LHFPL1: variants seen among roughly 807,000 people sequenced by gnomAD.
The protein encoded by LHFPL1 is LHFPL tetraspan subfamily member 1 protein.
In LHFPL1, 4 loss-of-function variants were observed where a neutral mutation model predicts 12.1. That is an observed-to-expected ratio of 0.33 (90% CI 0.16 to 0.76). The LOEUF (loss-of-function observed/expected upper bound fraction) is 0.76. Ranked by LOEUF, LHFPL1 falls within the 30% of genes least tolerant of loss-of-function variation. LHFPL1 has a pLI of 0.61. For synonymous variants in LHFPL1, 52 were observed against 61.9 expected, an observed-to-expected ratio of 0.84 and a Z score of 0.75; for missense variants, 141 against 174.1, an observed-to-expected ratio of 0.81 and a Z score of 1.07.
intron 3 of LHFPL1, among the ~76,000 whole-genome samples, chrX:112,647,130 C>A (rs1930714180): frequency 9.0e-6 from 1 of 111,701 alleles, no homozygotes; most frequent in Admixed American, 9.5e-5. Flanking sequence ...ACAGACATTA[C>A]CCTAGAATTA....
chrX:112,666,497 C>T (rs1315940106), intron 2 of LHFPL1, among the ~76,000 whole-genome samples: 1 of 111,339 alleles, frequency 9.0e-6, no homozygotes, highest in East Asian at 2.8e-4. Flanking sequence ...GAAGCAACAC[C>T]CTAAACAAGG....
intron 3 of LHFPL1, among the ~76,000 whole-genome samples, chrX:112,647,010 T>C (rs939708784): frequency 8.9e-6 from 1 of 111,967 alleles, no homozygotes; most frequent in Non-Finnish European, 1.9e-5. Context: ...TCTCAGGTTT[T>C]CCTCATCATA....
chrX:112,650,200 T>A, intron 3 of LHFPL1, among the ~76,000 whole-genome samples: 1 of 110,926 alleles, frequency 9.0e-6, no homozygotes, highest in Middle Eastern at 4.6e-3. Context: ...GAAAAAAAAA[T>A]TCCTCCTCAT....
In LHFPL1 at chrX:112,631,593, GACAGGTACCTGTGAGA is replaced by G. The variant is rs1569358912; in HGVS notation, c.482-8_489del. On this transcript the variant is annotated splice_acceptor_variant and splice_polypyrimidine_tract_variant and coding_sequence_variant and intron_variant, in exon 4 of 4. Coordinates refer to ENST00000371968, the MANE Select transcript of LHFPL1 (RefSeq NM_178175.4). LOFTEE classifies it high-confidence loss of function. Reference sequence around the variant, plus strand: ...GCACAGTAATAGGCCCAGCCAAGCCGACAGGTACCTGTGAGAACAGGGACAGAGAATGAGGATTGGG... The same window carrying G: ...GCACAGTAATAGGCCCAGCCAAGCCGACAGGGACAGAGAATGAGGATTGGG... 2 of 1,192,450 alleles carry G rather than the reference GACAGGTACCTGTGAGA, an allele frequency of 1.7e-6. No individual in the cohort carries two copies. The highest frequency in any genetic ancestry group is 1.8e-5 in the African/African-American group (1 of 56,947).
intron 3 of LHFPL1, among the ~76,000 whole-genome samples, chrX:112,652,260 AT>A (rs1378253835): frequency 8.9e-6 from 1 of 112,021 alleles, no homozygotes; most frequent in Non-Finnish European, 1.9e-5. Flanking sequence ...AACATCTACC[AT>A]TTTTATAACC....
chrX:112,640,174 T>G (rs1602667045), intron 3 of LHFPL1, among the ~76,000 whole-genome samples: 1 of 110,855 alleles, frequency 9.0e-6, no homozygotes, highest in East Asian at 2.8e-4. Flanking sequence ...ATCAACAAAC[T>G]AGATGAGTGA....
Position 112,643,477 on chromosome X carries a change from C to A in LHFPL1, c.482-11876G>T, listed in dbSNP as rs368222263. 6.3e-5 allele frequency among the ~76,000 whole-genome samples: 7 copies of A among 110,720 alleles called. No homozygotes were observed. In the Admixed American group the frequency reaches 6.7e-4, roughly 11 times the overall value. Reference sequence around the variant, plus strand: ...AAACTTATCATCATGCCAGAAGGCACCTCTTCACAGAGCAGCAGGAGAGAG... The same window carrying A: ...AAACTTATCATCATGCCAGAAGGCAACTCTTCACAGAGCAGCAGGAGAGAG... On this transcript the variant is annotated intron_variant, in intron 3 of 3. Transcript: ENST00000371968.
chrX:112,631,401 T>A lies in LHFPL1; in HGVS notation c.*19A>T. The A allele has an allele frequency of 8.4e-7, 1 of 1,192,269 alleles. No individual in the cohort carries two copies. The highest frequency in any genetic ancestry group is 1.9e-5 in the South Asian group (1 of 54,031). On this transcript the variant is annotated 3_prime_UTR_variant, in exon 4 of 4. Transcript: ENST00000371968. ...CTCCCTCCTCCCCTTTCCCACCCTC[T>A]CCAATCTTCTTTCAAAGCTCAAGGT...
Position 112,632,064 on chromosome X carries a change from C to A in LHFPL1, c.482-463G>T, listed in dbSNP as rs755698638. Reference sequence around the variant, plus strand: ...GATGAGGCAACTGAAAACCACACAGCCGGCAAGTGGTAAAGATACAAATGC... The same window carrying A: ...GATGAGGCAACTGAAAACCACACAGACGGCAAGTGGTAAAGATACAAATGC... On this transcript the variant is annotated intron_variant, in intron 3 of 3. Coordinates refer to ENST00000371968, the MANE Select transcript of LHFPL1 (RefSeq NM_178175.4). Among the ~76,000 whole-genome samples, 3 of 111,687 alleles carry A rather than the reference C, an allele frequency of 2.7e-5. No homozygotes were observed. The South Asian group carries it at 1.2e-3, about 43-fold the overall frequency.
chrX:112,659,505 T>C (rs140200467), intron 3 of LHFPL1, among the ~76,000 whole-genome samples: 1,260 of 110,915 alleles, frequency 0.011, 8 homozygotes, highest in South Asian at 0.019. Flanking sequence ...GGTTAGACAA[T>C]GTTGTGATTA....
At chrX:112,657,452 C>T (rs1274000962) in intron 3 of LHFPL1, among the ~76,000 whole-genome samples, 2 of 111,589 alleles carry the variant, frequency 1.8e-5, no homozygotes, top group Admixed American at 9.5e-5. Flanking sequence ...TCTAAAATTC[C>T]GATGGAAATG....
intron 3 of LHFPL1, among the ~76,000 whole-genome samples, chrX:112,643,341 T>A (rs1473794032): frequency 1.1e-5 from 1 of 92,079 alleles, no homozygotes; most frequent in East Asian, 3.3e-4. Flanking sequence ...ATCGTGCCAC[T>A]GCACTTCAGC....
At position 112,671,333 on chromosome X, in the gene LHFPL1, C is replaced by A. The variant is rs1232186579; in HGVS notation, c.58G>T (p.Ala20Ser). Residue 20 changes from alanine (A) to serine (S), a missense_variant, in exon 2 of 4, where the codon GCT becomes TCT. Coordinates refer to ENST00000371968, the MANE Select transcript of LHFPL1 (RefSeq NM_178175.4). The part of the protein sequence containing the change: ...TLWAFLSLVT[A>S]VTSSTSYFLP... ...AAGTAACTGGTAGAACTGGTCACAG[C>A]AGTAACAAGGGACAGGAAGGCCCAG... 2 of 1,211,742 alleles carry A rather than the reference C, an allele frequency of 1.7e-6. No homozygotes were observed. The highest frequency in any genetic ancestry group is 3.5e-5 in the South Asian group (2 of 57,007).
At chrX:112,658,434 A>AC (rs1481610303) in intron 3 of LHFPL1, among the ~76,000 whole-genome samples, 5 of 107,019 alleles carry the variant, frequency 4.7e-5, no homozygotes, top group Non-Finnish European at 9.7e-5. Flanking sequence ...CAAAAAACAA[A>AC]AAAAAAAAAG....
chrX:112,656,714 T>A (rs1210804257), intron 3 of LHFPL1, among the ~76,000 whole-genome samples: 1 of 112,557 alleles, frequency 8.9e-6, no homozygotes, highest in Non-Finnish European at 1.9e-5. Context: ...GTACATATAC[T>A]CCTCAATTTA....
intron 2 of LHFPL1, among the ~76,000 whole-genome samples, chrX:112,666,614 G>A (rs902714815): frequency 2.7e-5 from 3 of 111,928 alleles, no homozygotes; most frequent in African/African-American, 9.8e-5. Context: ...AAGGGAATGT[G>A]ATCAGGGTAT....
intron 3 of LHFPL1, among the ~76,000 whole-genome samples, chrX:112,642,469 G>C (rs1394526540): frequency 9.2e-6 from 1 of 108,292 alleles, no homozygotes; most frequent in Middle Eastern, 4.8e-3. Flanking sequence ...CACATTCTTT[G>C]ATCTAAGGAC....
chrX:112,661,545 C>T (rs1043005767), intron 2 of LHFPL1: 1 of 111,824 alleles, frequency 8.9e-6, no homozygotes, highest in African/African-American at 3.3e-5. Context: ...CATCTGACAA[C>T]TAAGACAAAT....
chrX:112,667,520 T>C lies in LHFPL1; in HGVS notation c.382+3489A>G, dbSNP rs1320048090. Among the ~76,000 whole-genome samples, 3 of 112,626 alleles carry C rather than the reference T, an allele frequency of 2.7e-5. No homozygotes were observed. In the East Asian group the frequency reaches 8.3e-4, roughly 31 times the overall value. On this transcript the variant is annotated intron_variant, in intron 2 of 3. Coordinates refer to ENST00000371968, the MANE Select transcript of LHFPL1 (RefSeq NM_178175.4). ...CCATGAGTAACCTGATTCAAGATCT[T>C]ACATTGTTTTTCTGCCAAGAAGTTC...
Sources: gnomAD v4.1 joint callset for allele counts (sites outside exome capture counted in the v4.1 genomes callset) on GRCh38, gnomAD v4.1.1 for gene constraint, MANE v1.5 for transcripts, NCBI Gene and HGNC (gene_info 2026-07-23, HGNC 2026-07-21) for gene names.